Variants in SLC30A6 observed in about 807,000 individuals in gnomAD.
SLC30A6 encodes the protein solute carrier family 30 member 6.
A neutral mutation model predicts 63.0 loss-of-function variants in SLC30A6; 55 were observed. That is an observed-to-expected ratio of 0.87 (90% confidence interval 0.70 to 1.09). The LOEUF (loss-of-function observed/expected upper bound fraction) is 1.09. Ranked by LOEUF, SLC30A6 falls within the 50% of genes least tolerant of loss-of-function variation. The pLI is 0.00. For missense variants in SLC30A6, 587 were observed against 549.2 expected, an observed-to-expected ratio of 1.07 and a Z score of -0.69; for synonymous variants, 224 against 186.1, an observed-to-expected ratio of 1.20 and a Z score of -1.66.
intron 5 of SLC30A6, among the ~76,000 whole-genome samples, chr2:32,189,095 A>T (rs560358481): frequency 6.6e-6 from 1 of 152,290 alleles, no homozygotes; most frequent in East Asian, 1.9e-4. Flanking sequence ...CTTTTAGTGC[A>T]CATGTGTACC....
Position 32,220,578 on chromosome 2 carries a change from C to T in SLC30A6, c.1251C>T (p.His417=). The T allele has an allele frequency of 6.2e-7, 1 of 1,614,210 alleles. No individual in the cohort carries two copies. Among genetic ancestry groups the T allele is most frequent in the Non-Finnish European group, 8.5e-7 (1 of 1,180,038 alleles). Residue 417 remains histidine, a synonymous_variant, in exon 14 of 14, where the codon CAC becomes CAT. Coordinates refer to ENST00000282587, the MANE Select transcript of SLC30A6 (RefSeq NM_017964.5). The part of the protein sequence containing the change: ...RPYGFGLNHG[H]TPYSSMLNQG... ...ATGGTTTTGGTCTCAATCATGGACA[C>T]ACACCTTACAGCAGCATGCTTAATC...
chr2:32,171,840 G>A (rs1005439042), intron 2 of SLC30A6, among the ~76,000 whole-genome samples: 15 of 151,940 alleles, frequency 9.9e-5, no homozygotes, highest in African/African-American at 3.1e-4. Context: ...TTACAGGCAT[G>A]GGCCACCACG....
chr2:32,180,609 T>A (rs1303691064), intron 4 of SLC30A6, among the ~76,000 whole-genome samples: 1 of 151,922 alleles, frequency 6.6e-6, no homozygotes, highest in African/African-American at 2.4e-5. Flanking sequence ...ATTTTTGTAT[T>A]TTTAGTGGAG....
chr2:32,208,575 C>T (rs1684984780), intron 12 of SLC30A6, among the ~76,000 whole-genome samples: 1 of 152,054 alleles, frequency 6.6e-6, no homozygotes, highest in East Asian at 1.9e-4. Context: ...CCACTGTGCC[C>T]GGTCAAATGC....
At position 32,175,101 on chromosome 2, in the gene SLC30A6, A is replaced by G. The variant is rs192739068; in HGVS notation, c.176-218A>G. Among the ~76,000 whole-genome samples, 130 of 152,248 alleles carry G rather than the reference A, an allele frequency of 8.5e-4. No homozygotes were observed. Among genetic ancestry groups the G allele is most frequent in the Non-Finnish European group, 1.6e-3 (110 of 68,012 alleles). On this transcript the variant is annotated intron_variant, in intron 3 of 13. Coordinates refer to ENST00000282587, the MANE Select transcript of SLC30A6 (RefSeq NM_017964.5). Reference sequence around the variant, plus strand: ...GAACATTCATTGCTTCATTTTTCCTAATGGAGAAATCAGGTTGGGAAGTAA... The same window carrying G: ...GAACATTCATTGCTTCATTTTTCCTGATGGAGAAATCAGGTTGGGAAGTAA...
At chr2:32,183,561 G>A (rs940108492) in intron 4 of SLC30A6, among the ~76,000 whole-genome samples, 4 of 151,530 alleles carry the variant, frequency 2.6e-5, no homozygotes, top group Non-Finnish European at 5.9e-5. Context: ...GGTGGTGCAT[G>A]CCTGTAATTA....
At chr2:32,204,287 G>A (rs1684552939) in intron 10 of SLC30A6, among the ~76,000 whole-genome samples, 1 of 151,978 alleles carries the variant, frequency 6.6e-6, no homozygotes, top group South Asian at 2.1e-4. Flanking sequence ...GCTCTTTCTA[G>A]TTGACAGATA....
At chr2:32,202,833 T>C in intron 10 of SLC30A6, 1 of 824,116 alleles carries the variant, frequency 1.2e-6, no homozygotes, top group Non-Finnish European at 2.1e-6. Flanking sequence ...GAAATCCAGA[T>C]ACGAACAGAT....
At chr2:32,172,604 CACTTTCTTTCT>C (rs1681336470) in intron 2 of SLC30A6, among the ~76,000 whole-genome samples, 1 of 152,168 alleles carries the variant, frequency 6.6e-6, no homozygotes, top group African/African-American at 2.4e-5. Flanking sequence ...TCATTAAGTT[CACTTTCTTTCT>C]ACTCTACTTG....
chr2:32,196,380 A>G (rs1156687636), intron 8 of SLC30A6, among the ~76,000 whole-genome samples: 6 of 152,170 alleles, frequency 3.9e-5, no homozygotes, highest in African/African-American at 1.4e-4. Flanking sequence ...AATAATATTA[A>G]GTACTTTCTA....
chr2:32,204,567 T>A, intron 10 of SLC30A6, 23 bp from the exon 11 acceptor site: 1 of 1,532,624 alleles, frequency 6.5e-7, no homozygotes, highest in Non-Finnish European at 9.0e-7. Flanking sequence ...AATTTAAAAT[T>A]TAGAATTGTT....
At chr2:32,204,183 C>A (rs1032890428) in intron 10 of SLC30A6, among the ~76,000 whole-genome samples, 1 of 151,940 alleles carries the variant, frequency 6.6e-6, no homozygotes, top group Non-Finnish European at 1.5e-5. Flanking sequence ...CCAGTTATAC[C>A]TTTGAATTAA....
rs201122071 is a variant in SLC30A6 at position 32,206,888 on chromosome 2, A to G, written c.771A>G (p.Thr257=). 3 of 1,611,772 alleles carry G rather than the reference A, an allele frequency of 1.9e-6. No individual in the cohort carries two copies. Among genetic ancestry groups the G allele is most frequent in the Non-Finnish European group, 1.7e-6 (2 of 1,177,962 alleles). The part of the protein sequence containing the change: ...SVYSGKVLLQ[T]TPPHVIGQLD... The stretch of plus-strand genomic sequence containing the variant: ...TATTTTATTGTATTTTTCCCCAGAC[A>G]ACACCACCCCATGTTATTGGTCAGT... The change falls in exon 12 of 14, where the codon ACA becomes ACG. Residue 257 remains threonine, a splice_region_variant and synonymous_variant. Coordinates refer to ENST00000282587, the MANE Select transcript of SLC30A6 (RefSeq NM_017964.5).
chr2:32,218,463 G>A (rs1180476922), intron 13 of SLC30A6, among the ~76,000 whole-genome samples: 1 of 150,860 alleles, frequency 6.6e-6, no homozygotes, highest in East Asian at 1.9e-4. Context: ...TCTGGAATAT[G>A]ATATATCTGT....
intron 8 of SLC30A6, among the ~76,000 whole-genome samples, chr2:32,196,573 C>T (rs182447391): frequency 3.3e-5 from 5 of 152,166 alleles, no homozygotes; most frequent in African/African-American, 1.2e-4. Context: ...TCTTAGATTT[C>T]GGAGTGTTTG....
intron 4 of SLC30A6, among the ~76,000 whole-genome samples, chr2:32,180,784 A>G (rs1573276133): frequency 6.6e-6 from 1 of 152,344 alleles, no homozygotes; most frequent in Admixed American, 6.5e-5. Context: ...AATGTTACCA[A>G]CCATATTTGA....
At chr2:32,186,652 A>G (rs964338520) in intron 5 of SLC30A6, among the ~76,000 whole-genome samples, 3 of 151,766 alleles carry the variant, frequency 2.0e-5, no homozygotes, top group Admixed American at 1.3e-4. Flanking sequence ...AGATTGTGCC[A>G]CTGCACACCA....
At chr2:32,213,836 C>G (rs1426356158) in intron 13 of SLC30A6, among the ~76,000 whole-genome samples, 1 of 121,894 alleles carries the variant, frequency 8.2e-6, no homozygotes, top group Non-Finnish European at 1.6e-5. Flanking sequence ...CGGAGTCTCA[C>G]ACTGTCACCT....
intron 4 of SLC30A6, among the ~76,000 whole-genome samples, chr2:32,177,243 C>G (rs1019213529): frequency 6.6e-6 from 1 of 152,194 alleles, no homozygotes; most frequent in African/African-American, 2.4e-5. Flanking sequence ...TGGAATCATA[C>G]AATATACAGT....
Sources: allele counts gnomAD v4.1 joint callset (sites outside exome capture counted in the v4.1 genomes callset), GRCh38; gene constraint gnomAD v4.1.1; transcripts MANE v1.5; gene names NCBI Gene and HGNC (gene_info 2026-07-23, HGNC 2026-07-21).